YEATS2: variants seen among roughly 807,000 people sequenced by gnomAD.
The protein encoded by YEATS2 is YEATS domain-containing protein 2.
YEATS2 carries 77 observed loss-of-function variants against 163.2 expected under a neutral mutation model. The observed-to-expected ratio is 0.47, with a 90% confidence interval of 0.39 to 0.57. YEATS2 has a LOEUF of 0.57. YEATS2 is among the 20% of genes least tolerant of loss of function. The pLI is 0.00. For missense variants in YEATS2, 1,549 were observed against 1,729.8 expected (o/e 0.90, Z 1.85); for synonymous variants, 631 against 645.1 (o/e 0.98, Z 0.33).
chr3:183,750,195 G>A (rs1031338065), intron 9 of YEATS2, among the ~76,000 whole-genome samples: 8 of 152,168 alleles, frequency 5.3e-5, no homozygotes, highest in African/African-American at 1.9e-4. Flanking sequence ...CTGGGCTCAA[G>A]CTGTCCGCCT....
chr3:183,765,100 A>G (rs144930824), intron 15 of YEATS2, among the ~76,000 whole-genome samples: 199 of 152,274 alleles, frequency 1.3e-3, no homozygotes, highest in Non-Finnish European at 1.2e-3. Flanking sequence ...GGCATCCCCA[A>G]CTGCTTACTA....
intron 13 of YEATS2, among the ~76,000 whole-genome samples, chr3:183,760,024 G>T (rs1481020654): frequency 6.6e-6 from 1 of 152,146 alleles, no homozygotes; most frequent in Non-Finnish European, 1.5e-5. Flanking sequence ...CCAGTCAAAT[G>T]ACTGGTGCCT....
chr3:183,767,225 A>G (rs1355720397), intron 15 of YEATS2, among the ~76,000 whole-genome samples: 3 of 151,758 alleles, frequency 2.0e-5, no homozygotes, highest in African/African-American at 7.3e-5. Flanking sequence ...TTGGGATACC[A>G]GGTTTTTGTT....
chr3:183,810,339 A>T, intron 30 of YEATS2, 136 bp from the exon 31 acceptor site: 1 of 719,614 alleles, frequency 1.4e-6, no homozygotes, highest in Non-Finnish European at 2.4e-6. Context: ...GAGTGGCCCT[A>T]AGCTATGTCT....
At position 183,737,010 on chromosome 3, in the gene YEATS2, A is replaced by T. The variant is rs573936567; in HGVS notation, c.924+181A>T. Among the ~76,000 whole-genome samples, 3 of 152,378 alleles carry T rather than the reference A, an allele frequency of 2.0e-5. No individual in the cohort carries two copies. In the East Asian group the frequency reaches 5.8e-4, roughly 29 times the overall value. Reference sequence around the variant, plus strand: ...TGACTGCAAGCCTTACGAATAATGTAAACAGTCAATTAACACATATTTTGT... The same window carrying T: ...TGACTGCAAGCCTTACGAATAATGTTAACAGTCAATTAACACATATTTTGT... On this transcript the variant is annotated intron_variant, in intron 8 of 30. Transcript: ENST00000305135.
At chr3:183,746,309 C>T (rs907957228) in intron 8 of YEATS2, among the ~76,000 whole-genome samples, 4 of 152,188 alleles carry the variant, frequency 2.6e-5, no homozygotes, top group Admixed American at 1.3e-4. Flanking sequence ...CTGCCTTAGT[C>T]TCCCAAAGTT....
At chr3:183,793,430 GC>G (rs1412238417) in intron 21 of YEATS2, 3 of 1,007,170 alleles carry the variant, frequency 3.0e-6, no homozygotes, top group Admixed American at 5.5e-5. Flanking sequence ...TTTATTTGAG[GC>G]CCTGTGTTGG....
chr3:183,772,779 C>CACACACATACA (rs555324921), intron 16 of YEATS2, among the ~76,000 whole-genome samples: 1 of 147,270 alleles, frequency 6.8e-6, no homozygotes, highest in South Asian at 2.1e-4. Context: ...ACACACACAC[C>CACACACATACA]CACATACACA....
intron 5 of YEATS2, 107 bp from the exon 6 acceptor site, chr3:183,724,312 T>G: frequency 1.2e-6 from 1 of 833,726 alleles, no homozygotes. Context: ...TTTGTAATTT[T>G]TTAAAAAAAC....
At chr3:183,785,102 A>C (rs573052343) in intron 19 of YEATS2, among the ~76,000 whole-genome samples, 2 of 151,948 alleles carry the variant, frequency 1.3e-5, no homozygotes, top group Non-Finnish European at 2.9e-5. Flanking sequence ...GCCTTTATTT[A>C]GACTACTGAG....
At chr3:183,720,374 G>A (rs1381145344) in intron 4 of YEATS2, among the ~76,000 whole-genome samples, 7 of 152,036 alleles carry the variant, frequency 4.6e-5, no homozygotes, top group African/African-American at 1.2e-4. Context: ...CATAACTTTC[G>A]TTTTTTTCTC....
intron 15 of YEATS2, among the ~76,000 whole-genome samples, chr3:183,767,649 A>G (rs537965722): frequency 3.1e-4 from 47 of 152,068 alleles, no homozygotes; most frequent in African/African-American, 9.9e-4. Context: ...CTGAAGTGCT[A>G]GGATTACAGG....
Position 183,808,080 on chromosome 3 carries a change from C to G in YEATS2, c.4062C>G (p.Ser1354=), listed in dbSNP as rs768980129. The change falls in exon 29 of 31, where the codon TCC becomes TCG. Residue 1354 remains serine (S), a synonymous_variant. Transcript: ENST00000305135. ...CACTCCACAGGAACGTGTATGCGTC[C>G]GTGGTGGAGGACATGATCCTGAAGG... ...PVALHRNVYA[S]VVEDMILKAT... 3 of 1,557,922 alleles carry G rather than the reference C, an allele frequency of 1.9e-6. No homozygotes were observed. In the South Asian group the frequency reaches 3.6e-5, roughly 18 times the overall value.
At chr3:183,808,987 C>T (rs971786815) in intron 29 of YEATS2, 110 bp from the exon 30 acceptor site, 9 of 1,033,270 alleles carry the variant, frequency 8.7e-6, no homozygotes, top group Non-Finnish European at 1.2e-5. Context: ...ACTTTTTAAT[C>T]CCTAGTTGCA....
chr3:183,738,414 T>TTTTTTTG (rs1221928948), intron 8 of YEATS2, among the ~76,000 whole-genome samples: 102 of 146,912 alleles, frequency 6.9e-4, no homozygotes, highest in African/African-American at 2.5e-3. Context: ...TTTTTTTTTT[T>TTTTTTTG]TTAATACTTT....
intron 1 of YEATS2, among the ~76,000 whole-genome samples, chr3:183,710,943 T>C (rs1715132474): frequency 6.6e-6 from 1 of 152,196 alleles, no homozygotes; most frequent in Non-Finnish European, 1.5e-5. Context: ...GGAAGTAGTA[T>C]GGTACAAGGA....
At chr3:183,749,004 G>A (rs537803908) in intron 9 of YEATS2, among the ~76,000 whole-genome samples, 9 of 151,938 alleles carry the variant, frequency 5.9e-5, no homozygotes, top group Non-Finnish European at 8.8e-5. Context: ...GTGCGGTGGC[G>A]TGATCTCCAC....
intron 20 of YEATS2, among the ~76,000 whole-genome samples, chr3:183,786,983 T>A (rs746243327): frequency 3.3e-5 from 5 of 152,044 alleles, no homozygotes; most frequent in Non-Finnish European, 7.4e-5. Flanking sequence ...TGAGATGGAG[T>A]CTTGCTGTGT....
intron 15 of YEATS2, among the ~76,000 whole-genome samples, chr3:183,770,545 C>G (rs1171675806): frequency 6.6e-6 from 1 of 152,134 alleles, no homozygotes; most frequent in Admixed American, 6.5e-5. Context: ...TCCTCCACCC[C>G]AAATTTACTT....
Sources: gnomAD v4.1 joint callset for allele counts (sites outside exome capture counted in the v4.1 genomes callset) on GRCh38, gnomAD v4.1.1 for gene constraint, MANE v1.5 for transcripts, NCBI Gene and HGNC (gene_info 2026-07-23, HGNC 2026-07-21) for gene names.